FBXO11: variants seen among roughly 807,000 people sequenced by gnomAD.
FBXO11 encodes the protein F-box protein 11.
FBXO11 carries 13 observed loss-of-function variants against 117.0 expected under a neutral mutation model. That is an observed-to-expected ratio of 0.11 (90% CI 0.07 to 0.18). The LOEUF is 0.18. Among genes scored for constraint, FBXO11 ranks in the 10% least tolerant of loss-of-function variants. FBXO11 has a pLI of 1.00. For missense variants in FBXO11, 767 were observed against 1,164.4 expected (o/e 0.66, Z 4.97); for synonymous variants, 490 against 380.5 (o/e 1.29, Z -3.35).
intron 1 of FBXO11, among the ~76,000 whole-genome samples, chr2:47,849,542 C>G (rs992680587): frequency 2.0e-5 from 3 of 152,186 alleles, no homozygotes; most frequent in Non-Finnish European, 4.4e-5. Context: ...ACAGGTCAAT[C>G]AAACAGAATA....
At chr2:47,866,848 T>C (rs1181071316) in intron 1 of FBXO11, among the ~76,000 whole-genome samples, 1 of 152,190 alleles carries the variant, frequency 6.6e-6, no homozygotes, top group Admixed American at 6.5e-5. Context: ...AAACATACTT[T>C]GATAACAGCC....
chr2:47,837,987 C>T (rs759676211), intron 4 of FBXO11, among the ~76,000 whole-genome samples: 7 of 148,844 alleles, frequency 4.7e-5, no homozygotes, highest in Non-Finnish European at 1.0e-4. Context: ...GCACTTTGGG[C>T]GGCCGAGGTA....
At chr2:47,846,456 A>G (rs1193653472) in intron 1 of FBXO11, among the ~76,000 whole-genome samples, 7 of 152,150 alleles carry the variant, frequency 4.6e-5, no homozygotes, top group Non-Finnish European at 7.4e-5. Context: ...AACAAAAACG[A>G]AACTGTTTCA....
chr2:47,881,350 T>C (rs1174437320), intron 1 of FBXO11, among the ~76,000 whole-genome samples: 3 of 152,220 alleles, frequency 2.0e-5, no homozygotes, highest in Non-Finnish European at 2.9e-5. Flanking sequence ...TGATGTTTTA[T>C]TTTTAACTGG....
At chr2:47,904,333 C>A (rs1678564481) in intron 1 of FBXO11, among the ~76,000 whole-genome samples, 1 of 152,106 alleles carries the variant, frequency 6.6e-6, no homozygotes, top group Admixed American at 6.5e-5. Flanking sequence ...ACCACTACTG[C>A]GAACAGCTAA....
In FBXO11 at chr2:47,835,986, C is replaced by T; in HGVS notation, c.603G>A (p.Met201Ile). Residue 201 changes from methionine to isoleucine, a missense_variant, in exon 5 of 23, where the codon ATG (methionine) becomes ATA (isoleucine). Coordinates refer to ENST00000403359, the MANE Select transcript of FBXO11 (RefSeq NM_001190274.2). Reference sequence around the variant, plus strand: ...TAGGGCGAGTATATTCAAATACTTCCATATATAATCGTTTCCTGAACAGAG... The same window carrying T: ...TAGGGCGAGTATATTCAAATACTTCTATATATAATCGTTTCCTGAACAGAG... ...NDPILWKRLY[M>I]EVFEYTRPMM... The T allele has an allele frequency of 1.9e-6, 3 of 1,601,610 alleles. No homozygotes were observed. Among genetic ancestry groups the T allele is most frequent in the Non-Finnish European group, 2.6e-6 (3 of 1,173,982 alleles).
intron 1 of FBXO11, among the ~76,000 whole-genome samples, chr2:47,902,431 T>C (rs893245968): frequency 2.0e-5 from 3 of 152,208 alleles, no homozygotes; most frequent in South Asian, 2.1e-4. Context: ...TGGAAAGCTT[T>C]GAAAAATCCT....
intron 1 of FBXO11, chr2:47,883,436 C>T (rs1319590716): frequency 5.0e-6 from 2 of 398,832 alleles, no homozygotes; most frequent in Admixed American, 2.8e-5. Flanking sequence ...TTTCACTCAA[C>T]CTCAGAGCCG....
At position 47,834,583 on chromosome 2, in the gene FBXO11, A is replaced by C; in HGVS notation, c.930T>G (p.Gly310=). 6.4e-7 allele frequency: 1 copy of C among 1,565,934 alleles called. No individual in the cohort carries two copies. ...IYIESPITMI[G]AAPGKVADKV... Reference sequence around the variant, plus strand: ...TGACAATGCATTTCAAAATACCTGCACCAATCATGGTGATTGGAGATTCAA... The same window carrying C: ...TGACAATGCATTTCAAAATACCTGCCCCAATCATGGTGATTGGAGATTCAA... Residue 310 remains glycine, a synonymous_variant, in exon 7 of 23, where the codon GGT becomes GGG. Coordinates refer to ENST00000403359, the MANE Select transcript of FBXO11 (RefSeq NM_001190274.2).
chr2:47,853,524 G>C (rs1674043032), intron 1 of FBXO11, among the ~76,000 whole-genome samples: 1 of 152,082 alleles, frequency 6.6e-6, no homozygotes, highest in Admixed American at 6.6e-5. Context: ...AGACAGTATA[G>C]CACAATGACT....
chr2:47,828,798 T>C (rs891556182), intron 11 of FBXO11, among the ~76,000 whole-genome samples: 2 of 152,200 alleles, frequency 1.3e-5, no homozygotes, highest in Non-Finnish European at 2.9e-5. Context: ...CCAATGTTAG[T>C]ACCTTAGACT....
chr2:47,878,079 C>T (rs898844016), intron 1 of FBXO11, among the ~76,000 whole-genome samples: 3 of 152,190 alleles, frequency 2.0e-5, no homozygotes, highest in African/African-American at 7.2e-5. Flanking sequence ...AGGAGGCTGT[C>T]ACTGCTTCCT....
chr2:47,834,611 T>C lies in FBXO11; in HGVS notation c.902A>G (p.Tyr301Cys). 1 of 1,597,010 alleles carries C rather than the reference T, an allele frequency of 6.3e-7. No individual in the cohort carries two copies. Among genetic ancestry groups the C allele is most frequent in the Non-Finnish European group, 8.5e-7 (1 of 1,173,500 alleles). ...AATCATGGTGATTGGAGATTCAATA[T>C]ATATCCATTCATCAGTATATATTCC... ...HSGIYTDEWIYIESPITMIGA... is the reference protein window; with the variant it reads ...HSGIYTDEWICIESPITMIGA... The change falls in exon 7 of 23, where the codon TAT becomes TGT. Residue 301 changes from tyrosine (Y) to cysteine (C), a missense_variant. Transcript: ENST00000403359.
intron 1 of FBXO11, among the ~76,000 whole-genome samples, chr2:47,843,515 T>C (rs1455507580): frequency 6.6e-6 from 1 of 152,170 alleles, no homozygotes; most frequent in African/African-American, 2.4e-5. Flanking sequence ...GATAACTATT[T>C]CTTCCTGGTG....
intron 4 of FBXO11, among the ~76,000 whole-genome samples, chr2:47,836,432 G>A (rs888613025): frequency 3.3e-5 from 5 of 152,012 alleles, no homozygotes; most frequent in Admixed American, 6.6e-5. Flanking sequence ...GCAGTGCCAC[G>A]ATCTCAGTTC....
chr2:47,885,663 T>C (rs971339128), intron 1 of FBXO11, among the ~76,000 whole-genome samples: 1 of 152,180 alleles, frequency 6.6e-6, no homozygotes, highest in Non-Finnish European at 1.5e-5. Flanking sequence ...ATACAAGACT[T>C]GGAAAAGATT....
At chr2:47,905,328 G>A in intron 1 of FBXO11, 161 bp downstream of exon 1, 2 of 677,874 alleles carry the variant, frequency 3.0e-6, no homozygotes, top group South Asian at 7.1e-5. Context: ...GGCCCGGCCC[G>A]GGCTGACACT....
chr2:47,883,978 T>C (rs567653347), intron 1 of FBXO11: 1 of 152,960 alleles, frequency 6.5e-6, no homozygotes, highest in East Asian at 1.9e-4. Context: ...TCCCAGCACT[T>C]TGGGAGGCCG....
chr2:47,868,827 G>A lies in FBXO11; in HGVS notation c.233-29058C>T, dbSNP rs184241578. 1.4e-4 allele frequency among the ~76,000 whole-genome samples: 21 copies of A among 152,294 alleles called. No homozygotes were observed. In the East Asian group the frequency reaches 4.1e-3, roughly 29 times the overall value. Reference sequence around the variant, plus strand: ...CCTGGGGTGATCAGCCAGGTACCTAGTGGCAGGTGGATTACACTGGACCAT... The same window carrying A: ...CCTGGGGTGATCAGCCAGGTACCTAATGGCAGGTGGATTACACTGGACCAT... On this transcript the variant is annotated intron_variant, in intron 1 of 22. Coordinates refer to ENST00000403359, the MANE Select transcript of FBXO11 (RefSeq NM_001190274.2).
Sources: allele counts gnomAD v4.1 joint callset (sites outside exome capture counted in the v4.1 genomes callset), GRCh38; gene constraint gnomAD v4.1.1; transcripts MANE v1.5; gene names NCBI Gene and HGNC (gene_info 2026-07-23, HGNC 2026-07-21).